Variants in DAB1 observed in about 807,000 individuals in gnomAD.
DAB1 encodes the protein DAB adaptor protein 1.
In DAB1, 15 loss-of-function variants were observed where a neutral mutation model predicts 64.6. That is an observed-to-expected ratio of 0.23 (90% CI 0.16 to 0.36). DAB1 has a LOEUF of 0.36. DAB1 is among the 10% of genes least tolerant of loss of function. The pLI, the probability that DAB1 is intolerant of heterozygous loss-of-function variation, is 1.00. For synonymous variants in DAB1, 235 were observed against 251.9 expected, an observed-to-expected ratio of 0.93 and a Z score of 0.64; for missense variants, 596 against 706.7, an observed-to-expected ratio of 0.84 and a Z score of 1.78.
intron 4 of DAB1, among the ~76,000 whole-genome samples, chr1:58,323,028 C>G (rs7517008): frequency 0.075 from 10,929 of 145,980 alleles, 937 homozygotes; most frequent in East Asian, 0.24. Context: ...CTCATAGGTT[C>G]GAACAGAATA....
chr1:57,954,831 G>A (rs1645354959), intron 5 of DAB1, among the ~76,000 whole-genome samples: 3 of 151,978 alleles, frequency 2.0e-5, no homozygotes, highest in South Asian at 2.1e-4. Context: ...TTTATAGAGT[G>A]CCTTCACACC....
At chr1:58,351,131 C>G (rs915500526) in intron 3 of DAB1, among the ~76,000 whole-genome samples, 2 of 152,148 alleles carry the variant, frequency 1.3e-5, no homozygotes, top group Non-Finnish European at 2.9e-5. Context: ...TCCCTCATTT[C>G]TTTGAGCAGT....
At chr1:57,964,575 G>A (rs1397892693) in intron 5 of DAB1, among the ~76,000 whole-genome samples, 1 of 152,100 alleles carries the variant, frequency 6.6e-6, no homozygotes, top group African/African-American at 2.4e-5. Flanking sequence ...TATAATGTGA[G>A]GCACTACTCA....
At chr1:57,042,676 T>G (rs908516318) in intron 9 of DAB1, among the ~76,000 whole-genome samples, 1 of 152,140 alleles carries the variant, frequency 6.6e-6, no homozygotes, top group Admixed American at 6.5e-5. Context: ...ATTGATACAT[T>G]TTAAAAAACA....
At chr1:58,454,484 CG>C (rs1557768446) in intron 3 of DAB1, among the ~76,000 whole-genome samples, 2 of 152,110 alleles carry the variant, frequency 1.3e-5, no homozygotes, top group Admixed American at 6.5e-5. Flanking sequence ...GAGCAAGAGA[CG>C]GCCACAGCAA....
chr1:57,001,899 G>C (rs1280909136), intron 14 of DAB1, among the ~76,000 whole-genome samples: 9 of 152,160 alleles, frequency 5.9e-5, no homozygotes, highest in East Asian at 1.9e-4. Context: ...GCAGATCTCT[G>C]TCTTCACTCC....
chr1:57,433,609 T>C (rs1274531076), intron 7 of DAB1, among the ~76,000 whole-genome samples: 1 of 152,026 alleles, frequency 6.6e-6, no homozygotes, highest in Non-Finnish European at 1.5e-5. Flanking sequence ...CACAGGTTTC[T>C]TAGAGAGGAG....
In DAB1 at chr1:57,487,815, C is replaced by T. The variant is rs115674374; in HGVS notation, n.625+161777G>A. Among the ~76,000 whole-genome samples the T allele has an allele frequency of 8.7e-3, 1,330 of 152,232 alleles. 15 individuals carry two copies. The highest frequency in any genetic ancestry group is 0.024 in the African/African-American group (984 of 41,502). On this transcript the variant is annotated intron_variant and non_coding_transcript_variant, in intron 7 of 20. Coordinates refer to the DAB1 transcript ENST00000485760. Reference sequence around the variant, plus strand: ...AGAACATATTTCCATCATTATGGGACGCATGACTGTATAGAGAATCAACTC... The same window carrying T: ...AGAACATATTTCCATCATTATGGGATGCATGACTGTATAGAGAATCAACTC...
At chr1:57,065,968 G>T (rs907233401) in intron 8 of DAB1, among the ~76,000 whole-genome samples, 9 of 152,112 alleles carry the variant, frequency 5.9e-5, no homozygotes, top group African/African-American at 2.2e-4. Context: ...GTGTGTAAGT[G>T]AATAGATGTT....
At chr1:57,731,798 C>T (rs1398877928) in intron 6 of DAB1, among the ~76,000 whole-genome samples, 1 of 119,458 alleles carries the variant, frequency 8.4e-6, no homozygotes, top group Non-Finnish European at 1.8e-5. Flanking sequence ...GAGTGAGATG[C>T]TGTCTCAAAA....
Position 57,185,809 on chromosome 1 carries a change from A to T in DAB1, c.68-40380T>A, listed in dbSNP as rs1371703570. 2.0e-5 allele frequency among the ~76,000 whole-genome samples: 3 copies of T among 152,126 alleles called. No homozygotes were observed. In the East Asian group the frequency reaches 5.8e-4, roughly 29 times the overall value. On this transcript the variant is annotated intron_variant, in intron 2 of 14. Transcript: ENST00000371236. ...GTAAGTTTTCCAGTGTCTGACAGCT[A>T]GGAAGTACCAGGACACTGTATCTCA...
chr1:58,445,195 A>T (rs1409643116), intron 3 of DAB1, among the ~76,000 whole-genome samples: 1 of 152,210 alleles, frequency 6.6e-6, no homozygotes, highest in Non-Finnish European at 1.5e-5. Flanking sequence ...AAGATAACCA[A>T]ATCTACTTTT....
rs962283852 is a variant in DAB1, at chr1:57,118,911, TATG to T, written c.306+17629_306+17631del. Among the ~76,000 whole-genome samples the T allele has an allele frequency of 8.5e-5, 13 of 152,282 alleles. No homozygotes were observed. In the East Asian group the frequency reaches 2.5e-3, roughly 29 times the overall value. The stretch of plus-strand genomic sequence containing the variant: ...AACATGGCTAGAAATAGCTCGCATT[TATG>T]ATGATAGAACAGCAGTATAGACAGG... On this transcript the variant is annotated intron_variant, in intron 4 of 14. Coordinates refer to ENST00000371236, the MANE Select transcript of DAB1 (RefSeq NM_001365792.1).
chr1:57,970,540 A>T lies in DAB1; in HGVS notation n.388-86378T>A, dbSNP rs375844070. Among the ~76,000 whole-genome samples the T allele has an allele frequency of 2.5e-3, 388 of 152,216 alleles. 2 individuals carry two copies. The Middle Eastern group carries it at 0.041, about 16-fold the overall frequency. On this transcript the variant is annotated intron_variant and non_coding_transcript_variant, in intron 5 of 20. Coordinates refer to the DAB1 transcript ENST00000485760. Reference sequence around the variant, plus strand: ...TCTACGGCGCTTGAGGAAAACTGCCATTGATGGGGACCCGCCACTTTTGGA... The same window carrying T: ...TCTACGGCGCTTGAGGAAAACTGCCTTTGATGGGGACCCGCCACTTTTGGA...
chr1:58,365,513 T>C (rs906048425), intron 3 of DAB1, among the ~76,000 whole-genome samples: 4 of 152,200 alleles, frequency 2.6e-5, no homozygotes, highest in Admixed American at 6.5e-5. Flanking sequence ...TGGCCATTTC[T>C]GCCAAATGCA....
At position 58,493,528 on chromosome 1, in the gene DAB1, A is replaced by G. The variant is rs910738962; in HGVS notation, n.257+12532T>C. On this transcript the variant is annotated intron_variant and non_coding_transcript_variant, in intron 3 of 20. Transcript: ENST00000485760. ...TATATCTAGAAAACCCCATCGTCTC[A>G]GCCCAAAATCTCCTTAAGCTGATAA... Among the ~76,000 whole-genome samples, 320 of 151,696 alleles carry G rather than the reference A, an allele frequency of 2.1e-3. 1 individual carries two copies. The highest frequency in any genetic ancestry group is 3.5e-3 in the Non-Finnish European group (238 of 67,924).
At chr1:57,072,877 A>G (rs1651636310) in intron 4 of DAB1, among the ~76,000 whole-genome samples, 1 of 152,220 alleles carries the variant, frequency 6.6e-6, no homozygotes, top group Admixed American at 6.5e-5. Flanking sequence ...TGGTGACAAC[A>G]CTTTTCCAGC....
At chr1:58,098,810 G>C (rs1004400065) in intron 5 of DAB1, among the ~76,000 whole-genome samples, 2 of 152,182 alleles carry the variant, frequency 1.3e-5, no homozygotes, top group African/African-American at 4.8e-5. Flanking sequence ...CTTAGAAGAA[G>C]TCAGCTGCAC....
At chr1:58,301,860 C>G (rs1662178540) in intron 4 of DAB1, among the ~76,000 whole-genome samples, 1 of 152,186 alleles carries the variant, frequency 6.6e-6, no homozygotes, top group African/African-American at 2.4e-5. Context: ...ATAAAAGCAT[C>G]TACCCTATAG....
Sources: allele counts gnomAD v4.1 joint callset (sites outside exome capture counted in the v4.1 genomes callset), GRCh38; gene constraint gnomAD v4.1.1; transcripts MANE v1.5; gene names NCBI Gene and HGNC (gene_info 2026-07-23, HGNC 2026-07-21).